The following BRD2 variants were observed in gnomAD, a reference collection of about 807,000 sequenced individuals.
The protein encoded by BRD2 is bromodomain containing 2.
Under a neutral mutation model 79.1 loss-of-function variants are expected in BRD2, and 15 were observed. That is an observed-to-expected ratio of 0.19 (90% CI 0.13 to 0.29). The LOEUF (loss-of-function observed/expected upper bound fraction) is 0.29, where lower values mean the gene tolerates loss of function less well. BRD2 is among the 10% of genes least tolerant of loss of function. The pLI, the probability that BRD2 is intolerant of heterozygous loss-of-function variation, is 1.00. For missense variants in BRD2, 1,053 were observed against 991.3 expected (o/e 1.06, Z -0.84); for synonymous variants, 488 against 358.6 (o/e 1.36, Z -4.08).
rs565907199 is a variant in BRD2 at position 32,972,222 on chromosome 6, G to C, written c.-677G>C. ...CGCCATTTCGTGCTGGAGTGGAGCA[G>C]CCTCTAGAACGAGCTGGAGGATTCT... On this transcript the variant is annotated 5_prime_UTR_variant, in exon 2 of 13. Transcript: ENST00000374825. The C allele has an allele frequency of 4.9e-4, 252 of 516,158 alleles. 1 individual carries two copies. The Admixed American group carries it at 7.5e-3, about 15-fold the overall frequency. The allele number at this position is 516,158 out of a possible 1,614,324, so 32.0% of individuals were successfully genotyped here.
In BRD2 at chr6:32,972,498, G is replaced by C; in HGVS notation, c.-401G>C. 1 of 323,246 alleles carries C rather than the reference G, an allele frequency of 3.1e-6. No individual in the cohort carries two copies. The highest frequency in any genetic ancestry group is 5.8e-6 in the Non-Finnish European group (1 of 172,166). 20.0% of individuals were successfully genotyped at this position (323,246 alleles called of 1,614,324 possible). A position where few individuals can be genotyped will look rare whatever the true frequency, so the allele number is the denominator to read the frequency against. ...CCTAAACCACTTTTCGTGTTCATCCGCCTCCATCCGAGATCGAAACGGGAC... is the reference window on the plus strand; with the variant it reads ...CCTAAACCACTTTTCGTGTTCATCCCCCTCCATCCGAGATCGAAACGGGAC... On this transcript the variant is annotated 5_prime_UTR_variant, in exon 2 of 13. Transcript: ENST00000374825.
intron 2 of BRD2, chr6:32,973,183 G>C (rs772102542): frequency 6.5e-6 from 10 of 1,533,242 alleles, no homozygotes; most frequent in Non-Finnish European, 7.9e-6. Flanking sequence ...AACCGAGTCA[G>C]GCAGAGCTAG....
rs1181372953 is a variant in BRD2 at position 32,977,907 on chromosome 6, G to A, written c.1480G>A (p.Glu494Lys). The A allele has an allele frequency of 6.2e-7, 1 of 1,611,330 alleles. No individual in the cohort carries two copies. The highest frequency in any genetic ancestry group is 8.5e-7 in the Non-Finnish European group (1 of 1,179,916). The change falls in exon 9 of 13, where the codon GAG (glutamate) becomes AAG (lysine). Residue 494 changes from glutamate (E) to lysine (K), a missense_variant. By Grantham distance (56) the Glu-to-Lys change is moderately conservative. This residue lies in a region of BRD2 where 454 missense variants were observed against 430.5 expected (regional missense o/e 1.05). Transcript: ENST00000374825. ...TAGCAGTGAGAGCTCCTCTGAGGAA[G>A]AGGAGGAGGAAGATGAGGAGGACGA... Reference protein sequence around the residue: ...ESSSESSSEEEEEEDEEDEEE... With the variant: ...ESSSESSSEEKEEEDEEDEEE...
intron 2 of BRD2, 121 bp downstream of exon 2, chr6:32,973,048 G>T: frequency 6.2e-7 from 1 of 1,606,466 alleles, no homozygotes; most frequent in Admixed American, 1.7e-5. Flanking sequence ...CGCAGCTGTC[G>T]ACTCGGTCGC....
intron 1 of BRD2, chr6:32,969,394 G>A: frequency 1.4e-6 from 1 of 716,178 alleles, no homozygotes; most frequent in Non-Finnish European, 2.6e-6. Flanking sequence ...GGGTGACCTG[G>A]CGGTGGGCTG....
In BRD2 at chr6:32,977,854, C is replaced by G. The variant is rs756721721; in HGVS notation, c.1427C>G (p.Ser476Trp). 6.2e-7 allele frequency: 1 copy of G among 1,613,080 alleles called. No individual in the cohort carries two copies. The change falls in exon 9 of 13, where the codon TCG becomes TGG. Residue 476 changes from serine to tryptophan, a missense_variant. This residue lies in a region of BRD2 where 454 missense variants were observed against 430.5 expected (regional missense o/e 1.05). Transcript: ENST00000374825. ...GCCATGCCCCCTGGCTTGGCCAAAT[C>G]GTCTTCAGAGTCCTCCAGTGAGGAA... ...STAMPPGLAKSSSESSSEESS... is the reference protein window; with the variant it reads ...STAMPPGLAKWSSESSSEESS...
intron 4 of BRD2, 46 bp downstream of exon 4, chr6:32,975,567 AC>A: frequency 1.3e-6 from 2 of 1,598,684 alleles, no homozygotes; most frequent in Middle Eastern, 3.3e-4. Context: ...AGAAACAGTA[AC>A]TTCTATTATT....
chr6:32,973,065 G>A (rs764023804), intron 2 of BRD2, 138 bp downstream of exon 2: 6 of 1,592,508 alleles, frequency 3.8e-6, no homozygotes, highest in Admixed American at 3.6e-5. Context: ...TCGCGCGGAG[G>A]GAATTGAGCG....
At chr6:32,969,288 G>A (rs1189311115) in intron 1 of BRD2, 2 of 712,966 alleles carry the variant, frequency 2.8e-6, no homozygotes, top group Non-Finnish European at 5.2e-6. Flanking sequence ...GGGCAAAGGG[G>A]TTAGGGGGCG....
intron 3 of BRD2, 51 bp downstream of exon 3, chr6:32,974,816 G>C (rs1778512253): frequency 6.3e-7 from 1 of 1,581,054 alleles, no homozygotes; most frequent in Admixed American, 1.7e-5. Context: ...AAGAATGCGT[G>C]TGAATGGGGG....
chr6:32,969,508 C>G (rs1777759144), intron 1 of BRD2, among the ~76,000 whole-genome samples: 1 of 152,182 alleles, frequency 6.6e-6, no homozygotes, highest in Non-Finnish European at 1.5e-5. Context: ...TCCTTTCTCC[C>G]CAGAGCCTCT....
Position 32,973,494 on chromosome 6 carries a change from C to T in BRD2, c.29+567C>T, listed in dbSNP as rs772971460. Reference sequence around the variant, plus strand: ...TGGTGCAGGGATTGTTTTTTCCTAACATTAAAAGTTTGATTCAGGGCAGGA... The same window carrying T: ...TGGTGCAGGGATTGTTTTTTCCTAATATTAAAAGTTTGATTCAGGGCAGGA... On this transcript the variant is annotated intron_variant, in intron 2 of 12. Coordinates refer to ENST00000374825, the MANE Select transcript of BRD2 (RefSeq NM_005104.4). Among the ~76,000 whole-genome samples, 13 of 152,054 alleles carry T rather than the reference C, an allele frequency of 8.5e-5. 1 individual carries two copies. Among genetic ancestry groups the T allele is most frequent in the Admixed American group, 2.0e-4 (3 of 15,264 alleles).
chr6:32,972,080 G>T lies in BRD2; in HGVS notation c.-819G>T, dbSNP rs1778063514. 1 of 696,570 alleles carries T rather than the reference G, an allele frequency of 1.4e-6. No individual in the cohort carries two copies. The highest frequency in any genetic ancestry group is 1.5e-5 in the South Asian group (1 of 66,534). 43.1% of individuals were successfully genotyped at this position (696,570 alleles called of 1,614,324 possible). ...CCTTCGACTCAGCTTCTTCACCCGC[G>T]TGAGCGAGCGCGCGCGCGCGGAGGG... On this transcript the variant is annotated 5_prime_UTR_variant, in exon 2 of 13. Coordinates refer to ENST00000374825, the MANE Select transcript of BRD2 (RefSeq NM_005104.4).
rs1278988069 is a variant in BRD2 at position 32,979,862 on chromosome 6, G to C, written c.1876G>C (p.Ala626Pro). Reference sequence around the variant, plus strand: ...AAAGGCCACAAAGACAGCCCCACCTGCCCTGCCTACAGGTTATGATTCAGA... The same window carrying C: ...AAAGGCCACAAAGACAGCCCCACCTCCCCTGCCTACAGGTTATGATTCAGA... Reference protein sequence around the residue: ...PKKATKTAPPALPTGYDSEEE... With the variant: ...PKKATKTAPPPLPTGYDSEEE... The change falls in exon 11 of 13, where the codon GCC becomes CCC. Residue 626 changes from alanine to proline, a missense_variant. By Grantham distance (27) the Ala-to-Pro change is conservative. Around this residue, in one of 5 missense-constraint regions of BRD2, gnomAD observed 454 missense variants for 430.5 expected, o/e 1.05. Transcript: ENST00000374825. 6.2e-6 allele frequency: 10 copies of C among 1,612,760 alleles called. No individual in the cohort carries two copies. The highest frequency in any genetic ancestry group is 7.6e-6 in the Non-Finnish European group (9 of 1,179,916).
Position 32,979,776 on chromosome 6 carries a change from A to G in BRD2, c.1842-52A>G, listed in dbSNP as rs556444613. The G allele has an allele frequency of 3.2e-6, 5 of 1,566,018 alleles. No homozygotes were observed. In the African/African-American group the frequency reaches 5.5e-5, roughly 17 times the overall value. ...CACTGAATTATAACAGTGGGAACATACTGGAAGAGGTTAATGAAGCTTCTT... is the reference window on the plus strand; with the variant it reads ...CACTGAATTATAACAGTGGGAACATGCTGGAAGAGGTTAATGAAGCTTCTT... On this transcript the variant is annotated intron_variant, in intron 10 of 12. Transcript: ENST00000374825.
In BRD2 at chr6:32,972,770, G is replaced by A; in HGVS notation, c.-129G>A. On this transcript the variant is annotated 5_prime_UTR_variant, in exon 2 of 13. Transcript: ENST00000374825. Reference sequence around the variant, plus strand: ...TTCGTGCCGGCCAGGCAGGGGGTTTGTCGCCTGGAGGCCCAAGAGGAACGG... The same window carrying A: ...TTCGTGCCGGCCAGGCAGGGGGTTTATCGCCTGGAGGCCCAAGAGGAACGG... The A allele has an allele frequency of 7.0e-7, 1 of 1,418,616 alleles. No homozygotes were observed. The highest frequency in any genetic ancestry group is 9.8e-7 in the Non-Finnish European group (1 of 1,018,478). The allele number at this position is 1,418,616 out of a possible 1,614,324, so 87.9% of individuals were successfully genotyped here.
At chr6:32,969,904 A>G (rs1777791236) in intron 1 of BRD2, among the ~76,000 whole-genome samples, 1 of 152,284 alleles carries the variant, frequency 6.6e-6, no homozygotes, top group East Asian at 1.9e-4. Context: ...AGTCCTGAAC[A>G]GTTCTCTCCT....
intron 7 of BRD2, 125 bp downstream of exon 7, chr6:32,977,061 A>G (rs1778857787): frequency 1.5e-6 from 2 of 1,317,976 alleles, no homozygotes; most frequent in Non-Finnish European, 2.0e-6. Context: ...TTATAAAATA[A>G]TAGTGGAACA....
intron 12 of BRD2, 44 bp from the exon 13 acceptor site, chr6:32,980,535 TGAA>T: frequency 6.2e-7 from 1 of 1,612,416 alleles, no homozygotes; most frequent in Non-Finnish European, 8.5e-7. Context: ...TATTGACAAA[TGAA>T]GATTCAGACT....
Sources: allele counts gnomAD v4.1 joint callset (sites outside exome capture counted in the v4.1 genomes callset), GRCh38; gene constraint gnomAD v4.1.1; regional missense constraint gnomAD v4.1.1; transcripts MANE v1.5; gene names NCBI Gene and HGNC (gene_info 2026-07-23, HGNC 2026-07-21).